Variants in SHC4 observed in about 807,000 individuals in gnomAD.
SHC4 encodes SHC adaptor protein 4, also known as SHC-transforming protein 4.
SHC4 carries 41 observed loss-of-function variants against 69.4 expected under a neutral mutation model. The ratio of observed to expected loss-of-function variants is 0.59; its 90% CI spans 0.46 to 0.77. The LOEUF is 0.77. Ranked by LOEUF, SHC4 falls within the 30% of genes least tolerant of loss-of-function variation. SHC4 has a pLI of 0.00. For missense variants in SHC4, 777 were observed against 783.8 expected (o/e 0.99, Z 0.10); for synonymous variants, 318 against 299.3 (o/e 1.06, Z -0.64).
At chr15:48,942,999 A>C (rs1901202869) in intron 1 of SHC4, among the ~76,000 whole-genome samples, 1 of 152,240 alleles carries the variant, frequency 6.6e-6, no homozygotes, top group South Asian at 2.1e-4. Context: ...CACTTCCTTT[A>C]ACATTCTTCT....
intron 4 of SHC4, chr15:48,878,058 G>A (rs1035674714): frequency 1.5e-6 from 2 of 1,336,464 alleles, no homozygotes; most frequent in African/African-American, 1.5e-5. Flanking sequence ...GGTACCTGAG[G>A]ACCACGCCTG....
chr15:48,834,804 C>T lies in SHC4; in HGVS notation c.1702G>A (p.Ala568Thr), dbSNP rs573896907. 5.6e-6 allele frequency: 9 copies of T among 1,614,156 alleles called. No homozygotes were observed. The South Asian group carries it at 8.8e-5, about 16-fold the overall frequency. ...YVLSGLQGGQ[A>T]KHLLLVDPEG... ...GGATCCACCAGGAGAAGATGTTTTG[C>T]TTGGCCTCCCTGTAGTCCACTCAGC... Residue 568 changes from alanine (A) to threonine (T), a missense_variant, in exon 11 of 12, where the codon GCA becomes ACA. Ala to Thr is a moderately conservative substitution (Grantham distance 58). Transcript: ENST00000332408.
At chr15:48,873,825 T>C (rs1899742849) in intron 4 of SHC4, among the ~76,000 whole-genome samples, 2 of 151,984 alleles carry the variant, frequency 1.3e-5, no homozygotes, top group Admixed American at 1.3e-4. Context: ...AGTACAAAAC[T>C]AATAAGAATC....
At position 48,834,960 on chromosome 15, in the gene SHC4, G is replaced by A; in HGVS notation, c.1546C>T (p.His516Tyr). 1 of 1,613,440 alleles carries A rather than the reference G, an allele frequency of 6.2e-7. No homozygotes were observed. The highest frequency in any genetic ancestry group is 8.5e-7 in the Non-Finnish European group (1 of 1,179,676). Residue 516 changes from histidine (H) to tyrosine (Y), a missense_variant, in exon 11 of 12, where the codon CAC becomes TAC. Transcript: ENST00000332408. ...AQPASSHSLPHIKQQLWSEEC... is the reference protein window; with the variant it reads ...AQPASSHSLPYIKQQLWSEEC... ...TCGCTCCACAGCTGCTGCTTAATGT[G>A]TGGCAAAGAATGTGAGCTGGCAGGC...
intron 4 of SHC4, 126 bp downstream of exon 4, chr15:48,884,121 CA>C: frequency 3.9e-6 from 4 of 1,022,176 alleles, no homozygotes; most frequent in Non-Finnish European, 5.1e-6. Flanking sequence ...AAATCTTCAG[CA>C]GATTTTTCCC....
At chr15:48,915,685 A>G (rs939663657) in intron 2 of SHC4, among the ~76,000 whole-genome samples, 5 of 152,230 alleles carry the variant, frequency 3.3e-5, no homozygotes, top group Admixed American at 3.3e-4. Flanking sequence ...TGGACAGCAG[A>G]CCATTGCAGG....
At chr15:48,926,951 T>C (rs1352553887) in intron 1 of SHC4, among the ~76,000 whole-genome samples, 2 of 152,154 alleles carry the variant, frequency 1.3e-5, no homozygotes, top group Non-Finnish European at 2.9e-5. Flanking sequence ...TTTGGATATT[T>C]TACTCTGTCC....
At chr15:48,924,393 C>G (rs531913315) in intron 2 of SHC4, among the ~76,000 whole-genome samples, 22 of 152,298 alleles carry the variant, frequency 1.4e-4, no homozygotes, top group Non-Finnish European at 2.6e-4. Flanking sequence ...TGGGGTCACC[C>G]TGGGTAAAAC....
At chr15:48,954,753 C>T (rs531126445) in intron 1 of SHC4, among the ~76,000 whole-genome samples, 4 of 152,288 alleles carry the variant, frequency 2.6e-5, no homozygotes, top group African/African-American at 9.6e-5. Flanking sequence ...CAAGTTTAGT[C>T]TATCCTGAGT....
intron 1 of SHC4, among the ~76,000 whole-genome samples, chr15:48,933,682 G>A (rs547607159): frequency 3.6e-4 from 55 of 152,204 alleles, no homozygotes; most frequent in Admixed American, 5.9e-4. Context: ...TAGAGAATCC[G>A]CATGTCCCAA....
Position 48,857,763 on chromosome 15 carries a change from G to C in SHC4, c.999C>G (p.Thr333=). 6.2e-7 allele frequency: 1 copy of C among 1,605,736 alleles called. No individual in the cohort carries two copies. The highest frequency in any genetic ancestry group is 8.5e-7 in the Non-Finnish European group (1 of 1,175,014). ...HNGMAQDVIS[T]IGQAFELRFK... The stretch of plus-strand genomic sequence containing the variant: ...ACCGGAGTTCAAAAGCCTGCCCTAT[G>C]GTACTTATGACGTCTTGGGCCATTC... Residue 333 remains threonine, a synonymous_variant, in exon 7 of 12, where the codon ACC becomes ACG. Coordinates refer to ENST00000332408, the MANE Select transcript of SHC4 (RefSeq NM_203349.4).
intron 11 of SHC4, among the ~76,000 whole-genome samples, chr15:48,832,140 C>A (rs975808010): frequency 6.6e-6 from 1 of 152,072 alleles, no homozygotes; most frequent in Non-Finnish European, 1.5e-5. Context: ...GGTGTGGTGG[C>A]GGGCACCTGT....
chr15:48,946,722 C>G (rs529605381), intron 1 of SHC4: 1 of 321,800 alleles, frequency 3.1e-6, no homozygotes, highest in East Asian at 1.7e-4. Flanking sequence ...CCAGAACATT[C>G]CTATCACTGG....
Position 48,937,928 on chromosome 15 carries a change from A to G in SHC4, c.586-12979T>C, listed in dbSNP as rs1901103321. On this transcript the variant is annotated intron_variant, in intron 1 of 11. Coordinates refer to ENST00000332408, the MANE Select transcript of SHC4 (RefSeq NM_203349.4). ...AATTCCTTGAGGCCTTGTATTTTAT[A>G]TTCAATTTTAATGTTGTTATTGAGA... Among the ~76,000 whole-genome samples, 3 of 152,192 alleles carry G rather than the reference A, an allele frequency of 2.0e-5. No homozygotes were observed. In the South Asian group the frequency reaches 6.2e-4, roughly 31 times the overall value.
intron 6 of SHC4, among the ~76,000 whole-genome samples, chr15:48,866,001 C>T (rs1002487660): frequency 2.0e-5 from 3 of 152,240 alleles, no homozygotes; most frequent in African/African-American, 7.2e-5. Flanking sequence ...TCTTCACCAT[C>T]ATTTACTTAA....
intron 1 of SHC4, among the ~76,000 whole-genome samples, chr15:48,960,056 T>C (rs1001694387): frequency 2.0e-5 from 3 of 152,216 alleles, no homozygotes; most frequent in African/African-American, 7.2e-5. Context: ...ATAAGAGATG[T>C]CATTAGCTTG....
chr15:48,834,102 T>C (rs1305346556), intron 11 of SHC4, among the ~76,000 whole-genome samples: 1 of 152,218 alleles, frequency 6.6e-6, no homozygotes, highest in Non-Finnish European at 1.5e-5. Context: ...TAGGCATTTC[T>C]ACCCCATATT....
chr15:48,962,340 C>T, intron 1 of SHC4, 91 bp downstream of exon 1: 1 of 1,333,924 alleles, frequency 7.5e-7, no homozygotes, highest in Non-Finnish European at 1.0e-6. Flanking sequence ...ACACAGAACC[C>T]AGGCAGGTAA....
chr15:48,920,101 G>A (rs1265127696), intron 2 of SHC4, among the ~76,000 whole-genome samples: 35 of 149,986 alleles, frequency 2.3e-4, no homozygotes, highest in African/African-American at 7.1e-4. Context: ...TGCAAGCTCC[G>A]CCTCCCGGGT....
Sources: allele counts gnomAD v4.1 joint callset (sites outside exome capture counted in the v4.1 genomes callset), GRCh38; gene constraint gnomAD v4.1.1; transcripts MANE v1.5; gene names NCBI Gene and HGNC (gene_info 2026-07-23, HGNC 2026-07-21).